TPM4: variants seen among roughly 807,000 people sequenced by gnomAD.
TPM4 encodes the protein tropomyosin 4, also known as tropomyosin alpha-4 chain.
TPM4 carries 17 observed loss-of-function variants against 35.8 expected under a neutral mutation model. The ratio of observed to expected loss-of-function variants is 0.47; its 90% CI spans 0.32 to 0.71. TPM4 has a LOEUF of 0.71. Ranked by LOEUF, TPM4 falls within the 30% of genes least tolerant of loss-of-function variation. The probability of loss-of-function intolerance (pLI) is 0.03; values close to 1 mark genes in which losing one functional copy is unlikely to be tolerated. For synonymous variants in TPM4, 120 were observed against 122.9 expected (o/e 0.98, Z 0.15); for missense variants, 240 against 320.9 (o/e 0.75, Z 1.93).
chr19:16,072,477 A>G (rs1350606851), upstream of TPM4, among the ~76,000 whole-genome samples: 1 of 152,228 alleles, frequency 6.6e-6, no homozygotes, highest in Non-Finnish European at 1.5e-5. Flanking sequence ...TGGGTCCAGC[A>G]TGGTCTAGAA....
intron 2 of TPM4, among the ~76,000 whole-genome samples, chr19:16,082,301 G>T (rs149531584): frequency 6.6e-6 from 1 of 152,138 alleles, no homozygotes; most frequent in African/African-American, 2.4e-5. Context: ...CTGAGGTTGG[G>T]AGTTTGAGAC....
At chr19:16,081,099 C>A in intron 1 of TPM4, 1 of 398,590 alleles carries the variant, frequency 2.5e-6, no homozygotes, top group Non-Finnish European at 4.4e-6. Flanking sequence ...CAACATTTAA[C>A]TGAGGGCTCC....
At chr19:16,068,323 C>T (rs2090319093) in intron 2 of TPM4, among the ~76,000 whole-genome samples, 1 of 152,084 alleles carries the variant, frequency 6.6e-6, no homozygotes, top group Non-Finnish European at 1.5e-5. Context: ...ATTACAGGCA[C>T]CCACCATCAC....
Position 16,067,737 on chromosome 19 carries a change from A to T in TPM4, c.113A>T (p.Gln38Leu). 1 of 1,611,722 alleles carries T rather than the reference A, an allele frequency of 6.2e-7. No homozygotes were observed. The change falls in exon 2 of 3, where the codon CAG becomes CTG. Residue 38 changes from glutamine to leucine, a missense_variant and splice_region_variant. Gln to Leu is a moderately radical substitution (Grantham distance 113). Coordinates refer to the TPM4 transcript ENST00000589897. This position sits in a 1 kb window ranked among gnomAD's most constrained non-coding sequence, Gnocchi z 4.1. ...AAAGCCGCTGAGGACAAGTGCAAGCAGGTGAGGTGCCCTCCGCTGGGCCGC... is the reference window on the plus strand; with the variant it reads ...AAAGCCGCTGAGGACAAGTGCAAGCTGGTGAGGTGCCCTCCGCTGGGCCGC...
intron 2 of TPM4, among the ~76,000 whole-genome samples, chr19:16,071,494 C>G (rs2090356519): frequency 6.6e-6 from 1 of 152,194 alleles, no homozygotes; most frequent in African/African-American, 2.4e-5. Flanking sequence ...CTTTGTGACT[C>G]TCCTAGCTTC....
intron 1 of TPM4, 191 bp downstream of exon 1, chr19:16,076,888 C>T: frequency 3.3e-6 from 4 of 1,200,160 alleles, no homozygotes; most frequent in South Asian, 3.1e-5. Flanking sequence ...CGTCCTCCTT[C>T]CTGGGCCTGG....
In TPM4 at chr19:16,088,827, C is replaced by T. The variant is rs539466281; in HGVS notation, c.456-218C>T. On this transcript the variant is annotated intron_variant, in intron 4 of 7. Coordinates refer to ENST00000643579, the MANE Select transcript of TPM4 (RefSeq NM_003290.3). ...TTTTCCAAGCCCTCCAAATACTCTT[C>T]GGGCGCACCTCGCCTCTGCCTGGTA... 9.4e-5 allele frequency: 125 copies of T among 1,334,226 alleles called. 1 individual carries two copies. In the African/African-American group the frequency reaches 1.1e-3, roughly 12 times the overall value. The allele number at this position is 1,334,226 out of a possible 1,614,324, so 82.6% of individuals were successfully genotyped here. A position where few individuals can be genotyped will look rare whatever the true frequency, so the allele number is the denominator to read the frequency against.
intron 2 of TPM4, 42 bp downstream of exon 2, chr19:16,082,088 A>G (rs3826722): frequency 0.41 from 644,514 of 1,570,856 alleles, 135,990 homozygotes; most frequent in East Asian, 0.73. Context: ...GTTTGCTTTT[A>G]GAAAATGGGG....
rs2090765651 is a variant in TPM4 at position 16,101,777 on chromosome 19, G to A, written c.*431G>A. The A allele has an allele frequency of 4.3e-6, 1 of 231,734 alleles. No individual in the cohort carries two copies. The highest frequency in any genetic ancestry group is 8.5e-6 in the Non-Finnish European group (1 of 117,198). 14.4% of individuals were successfully genotyped at this position (231,734 alleles called of 1,614,324 possible). A position where few individuals can be genotyped will look rare whatever the true frequency, so the allele number is the denominator to read the frequency against. ...GTCAACTGTTGGTCAAACTATAGGAGAGACCAGGGACCATCACATGGGTAG... is the reference window on the plus strand; with the variant it reads ...GTCAACTGTTGGTCAAACTATAGGAAAGACCAGGGACCATCACATGGGTAG... On this transcript the variant is annotated 3_prime_UTR_variant, in exon 8 of 8. Transcript: ENST00000643579.
chr19:16,076,715 G>C lies in TPM4; in HGVS notation c.132+18G>C. 7.6e-7 allele frequency: 1 copy of C among 1,321,926 alleles called. No homozygotes were observed. The highest frequency in any genetic ancestry group is 9.6e-7 in the Non-Finnish European group (1 of 1,036,826). The allele number at this position is 1,321,926 out of a possible 1,614,324, so 81.9% of individuals were successfully genotyped here. A position where few individuals can be genotyped will look rare whatever the true frequency, so the allele number is the denominator to read the frequency against. On this transcript the variant is annotated intron_variant, in intron 1 of 7. Coordinates refer to ENST00000643579, the MANE Select transcript of TPM4 (RefSeq NM_003290.3). ...GCGAGAAAGTGAGCGCCCCGGCCTC[G>C]GGCCCCGCACCCGCAGCCTCCTCCC...
At chr19:16,075,946 G>A, upstream of TPM4, 7 of 1,463,896 alleles carry the variant, frequency 4.8e-6, no homozygotes, top group Non-Finnish European at 6.4e-6. Context: ...TGCCCAGAGA[G>A]AGACGGAGGA....
Position 16,088,899 on chromosome 19 carries a change from A to AT in TPM4, c.456-144dup, listed in dbSNP as rs1381698643. On this transcript the variant is annotated intron_variant, in intron 4 of 7. Transcript: ENST00000643579. Reference sequence around the variant, plus strand: ...ATAGTATCACACTGCAGAAAAATCCATTAACATTTTCTCCCCACATTCCTT... The same window carrying AT: ...ATAGTATCACACTGCAGAAAAATCCATTTAACATTTTCTCCCCACATTCCTT... 9 of 1,465,634 alleles carry AT rather than the reference A, an allele frequency of 6.1e-6. No individual in the cohort carries two copies. In the East Asian group the frequency reaches 2.3e-4, roughly 37 times the overall value. 90.8% of individuals were successfully genotyped at this position (1,465,634 alleles called of 1,614,324 possible).
At chr19:16,073,843 G>C (rs1435347904), upstream of TPM4, among the ~76,000 whole-genome samples, 1 of 151,126 alleles carries the variant, frequency 6.6e-6, no homozygotes, top group Non-Finnish European at 1.5e-5. Context: ...TCAGGAGGCT[G>C]AGGCGGGAGG....
chr19:16,088,867 T>C, intron 4 of TPM4, 178 bp from the exon 5 acceptor site: 1 of 1,410,920 alleles, frequency 7.1e-7, no homozygotes, highest in East Asian at 2.6e-5. Flanking sequence ...AAGCCTTTGA[T>C]AAGCCCATAG....
rs1180864355 is a variant in TPM4, at chr19:16,088,034, G to A, written c.392G>A (p.Arg131His). 28 of 1,611,314 alleles carry A rather than the reference G, an allele frequency of 1.7e-5. No homozygotes were observed. The highest frequency in any genetic ancestry group is 3.3e-5 in the South Asian group (3 of 90,244). The change falls in exon 4 of 8, where the codon CGT (arginine) becomes CAT (histidine). Residue 131 changes from arginine to histidine, a missense_variant. Coordinates refer to ENST00000643579, the MANE Select transcript of TPM4 (RefSeq NM_003290.3). ...EADRKYEEVA[R>H]KLVILEGELE... Reference sequence around the variant, plus strand: ...GCCTTTCTGTCTCTGCAGGTAGCTCGTAAGCTGGTCATCCTGGAGGGTGAG... The same window carrying A: ...GCCTTTCTGTCTCTGCAGGTAGCTCATAAGCTGGTCATCCTGGAGGGTGAG...
intron 7 of TPM4, among the ~76,000 whole-genome samples, chr19:16,098,451 A>G (rs965652843): frequency 2.6e-5 from 4 of 152,156 alleles, no homozygotes; most frequent in South Asian, 2.1e-4. Flanking sequence ...CGCCTCAAAA[A>G]AAAAGAAAAG....
intron 2 of TPM4, among the ~76,000 whole-genome samples, chr19:16,071,470 C>A (rs993662324): frequency 1.3e-5 from 2 of 152,186 alleles, no homozygotes; most frequent in African/African-American, 4.8e-5. Flanking sequence ...CAGACTTGAG[C>A]CACGGAGCCT....
chr19:16,067,906 T>C lies in TPM4; in HGVS notation c.114+168T>C. ...CCATTGCCTTCCTTGGATGGGGTCC[T>C]GGGCTGGAAGAGGGGTGACGATCGG... On this transcript the variant is annotated intron_variant, in intron 2 of 2. Coordinates refer to the TPM4 transcript ENST00000589897. The surrounding 1 kb of genome is among the most constrained non-coding windows in gnomAD (Gnocchi z 4.1). The C allele has an allele frequency of 1.6e-6, 1 of 617,900 alleles. No individual in the cohort carries two copies. The highest frequency in any genetic ancestry group is 2.7e-6 in the Non-Finnish European group (1 of 374,216). The allele number at this position is 617,900 out of a possible 1,614,324, so 38.3% of individuals were successfully genotyped here.
chr19:16,079,659 T>TC (rs888359557), intron 1 of TPM4: 17 of 210,820 alleles, frequency 8.1e-5, no homozygotes, highest in East Asian at 2.8e-4. Context: ...TATTTTTTTT[T>TC]CCCCCAGTAT....
Sources: gnomAD v4.1 joint callset for allele counts (sites outside exome capture counted in the v4.1 genomes callset) on GRCh38, gnomAD v4.1.1 for gene constraint, Gnocchi (gnomAD v3.1) non-coding constraint, MANE v1.5 for transcripts, NCBI Gene and HGNC (gene_info 2026-07-23, HGNC 2026-07-21) for gene names.